PCDH15: variants seen among roughly 807,000 people sequenced by gnomAD.
PCDH15 encodes protocadherin-15.
A neutral mutation model predicts 178.5 loss-of-function variants in PCDH15; 129 were observed. That is an observed-to-expected ratio of 0.72 (90% confidence interval 0.63 to 0.84). The LOEUF (loss-of-function observed/expected upper bound fraction) is 0.84. Among genes scored for constraint, PCDH15 ranks in the 40% least tolerant of loss-of-function variants. The probability of loss-of-function intolerance (pLI) is 0.00; values close to 1 mark genes in which losing one functional copy is unlikely to be tolerated. For missense variants in PCDH15, 2,230 were observed against 2,099.9 expected (o/e 1.06, Z -1.21); for synonymous variants, 800 against 732.0 (o/e 1.09, Z -1.50).
intron 3 of PCDH15, among the ~76,000 whole-genome samples, chr10:54,381,159 G>A (rs1949187627): frequency 6.6e-6 from 1 of 151,956 alleles, no homozygotes; most frequent in Admixed American, 6.6e-5. Context: ...AGGCAGACAT[G>A]ATACAAGGAG....
intron 2 of PCDH15, among the ~76,000 whole-genome samples, chr10:55,152,773 G>A (rs937750966): frequency 6.6e-6 from 1 of 152,106 alleles, no homozygotes; most frequent in Non-Finnish European, 1.5e-5. Flanking sequence ...TAAGACTGCA[G>A]TTAGCAATTG....
At chr10:54,078,138 C>T (rs1176634246) in intron 17 of PCDH15, among the ~76,000 whole-genome samples, 2 of 152,076 alleles carry the variant, frequency 1.3e-5, no homozygotes, top group Non-Finnish European at 1.5e-5. Context: ...TTTCTATCAT[C>T]TAAGTACCTA....
intron 21 of PCDH15, among the ~76,000 whole-genome samples, chr10:53,980,381 A>C (rs531604675): frequency 6.6e-6 from 1 of 152,278 alleles, no homozygotes; most frequent in South Asian, 2.1e-4. Flanking sequence ...TATTTTAAAA[A>C]TGTGTGGGAT....
intron 1 of PCDH15, among the ~76,000 whole-genome samples, chr10:55,232,114 A>C (rs1340332071): frequency 6.6e-6 from 1 of 151,990 alleles, no homozygotes; most frequent in Non-Finnish European, 1.5e-5. Context: ...CCATATTGTA[A>C]CACTGTCAAA....
chr10:54,537,160 A>G (rs1199297604), intron 2 of PCDH15, among the ~76,000 whole-genome samples: 1 of 151,744 alleles, frequency 6.6e-6, no homozygotes, highest in Admixed American at 6.6e-5. Context: ...TACCATGCCC[A>G]GCTAATTTTT....
intron 1 of PCDH15, among the ~76,000 whole-genome samples, chr10:55,274,069 C>T (rs74139512): frequency 0.025 from 3,801 of 152,132 alleles, 181 homozygotes; most frequent in African/African-American, 0.086. Context: ...ACAGAATTTC[C>T]TCTTTTTGTC....
Position 53,878,485 on chromosome 10 carries a change from TAA to T in PCDH15, c.3502-11630_3502-11629del, listed in dbSNP as rs1382498062. Among the ~76,000 whole-genome samples the T allele has an allele frequency of 9.3e-4, 132 of 142,616 alleles. 1 individual carries two copies. The highest frequency in any genetic ancestry group is 5.9e-3 in the Admixed American group (83 of 14,086). 93.6% of individuals were successfully genotyped at this position (142,616 alleles called of 152,430 possible). A position where few individuals can be genotyped will look rare whatever the true frequency, so the allele number is the denominator to read the frequency against. ...TGTATGCCATAGTATAGTATATATA[TAA>T]ATATATAATATATTATATATATACG... On this transcript the variant is annotated intron_variant, in intron 26 of 37. Transcript: ENST00000644397.
At chr10:55,434,060 G>T (rs1838960521) in intron 2 of PCDH15, among the ~76,000 whole-genome samples, 1 of 135,622 alleles carries the variant, frequency 7.4e-6, no homozygotes. Flanking sequence ...CAAATTCTCC[G>T]CTTTTTCTTT....
intron 20 of PCDH15, among the ~76,000 whole-genome samples, chr10:54,003,110 A>G (rs556767856): frequency 1.2e-4 from 18 of 152,216 alleles, no homozygotes; most frequent in Non-Finnish European, 2.5e-4. Flanking sequence ...AATTTTTACT[A>G]CGTGGGAAAT....
At chr10:54,827,976 T>G (rs1170162491) in intron 3 of PCDH15, among the ~76,000 whole-genome samples, 1 of 152,082 alleles carries the variant, frequency 6.6e-6, no homozygotes, top group African/African-American at 2.4e-5. Flanking sequence ...TACATAGATA[T>G]GCAATCTTAT....
intron 3 of PCDH15, among the ~76,000 whole-genome samples, chr10:54,846,440 G>C (rs1953513088): frequency 6.6e-6 from 1 of 152,064 alleles, no homozygotes; most frequent in Non-Finnish European, 1.5e-5. Context: ...AGCTATTCAT[G>C]TGTCTCTTTT....
Position 54,782,839 on chromosome 10 carries a change from A to G in PCDH15, c.-29+18086T>C, listed in dbSNP as rs116853371. ...CAGTCTCTACAAACAACTGTAGTCT[A>G]TGCTACCAAGACACTCACCCATACC... On this transcript the variant is annotated intron_variant, in intron 1 of 37. Transcript: ENST00000644397. Among the ~76,000 whole-genome samples the G allele has an allele frequency of 4.3e-3, 653 of 152,182 alleles. 4 individuals are homozygous for G. The highest frequency in any genetic ancestry group is 7.5e-3 in the Non-Finnish European group (508 of 67,988).
chr10:54,721,361 GAAA>G (rs998959961), intron 1 of PCDH15, among the ~76,000 whole-genome samples: 19 of 151,106 alleles, frequency 1.3e-4, no homozygotes, highest in East Asian at 1.9e-4. Flanking sequence ...TCTAGCAGAA[GAAA>G]AAAAATAACA....
In PCDH15 at chr10:54,291,950, A is replaced by G. The variant is rs1031384201; in HGVS notation, c.876+25321T>C. Among the ~76,000 whole-genome samples, 4 of 152,210 alleles carry G rather than the reference A, an allele frequency of 2.6e-5. No individual in the cohort carries two copies. In the East Asian group the frequency reaches 5.8e-4, roughly 22 times the overall value. On this transcript the variant is annotated intron_variant, in intron 8 of 37. Transcript: ENST00000644397. ...TATTCCAATTAATAGAAAAAGAGGG[A>G]ATCCTCCCTAACTCATTTTACGAGG...
intron 8 of PCDH15, among the ~76,000 whole-genome samples, chr10:54,313,895 ACT>A (rs1348230453): frequency 6.6e-6 from 1 of 151,914 alleles, no homozygotes; most frequent in Non-Finnish European, 1.5e-5. Context: ...AAGTTTGTAC[ACT>A]CTGCTTTTCA....
At chr10:54,708,793 TGTGTGTGTGC>T (rs1200405811) in intron 1 of PCDH15, among the ~76,000 whole-genome samples, 2 of 147,702 alleles carry the variant, frequency 1.4e-5, no homozygotes, top group Admixed American at 6.8e-5. Context: ...TGTGTGTGTG[TGTGTGTGTGC>T]GCGCGCGTGC....
chr10:54,857,248 A>T (rs1223420130), intron 3 of PCDH15, among the ~76,000 whole-genome samples: 1 of 152,192 alleles, frequency 6.6e-6, no homozygotes, highest in Admixed American at 6.5e-5. Context: ...ATCATATACT[A>T]TTGACATTAA....
chr10:54,752,476 CAAAAAAA>C lies in PCDH15; in HGVS notation c.-29+48442_-29+48448del, dbSNP rs755874514. On this transcript the variant is annotated intron_variant, in intron 1 of 37. Coordinates refer to ENST00000644397, the MANE Select transcript of PCDH15 (RefSeq NM_001384140.1). The stretch of plus-strand genomic sequence containing the variant: ...TGGGTGACAGAACGAGACTCCGTCT[CAAAAAAA>C]AAAAAAAACAAAAAACAAAAAACAA... Among the ~76,000 whole-genome samples, 316 of 89,778 alleles carry C rather than the reference CAAAAAAA, an allele frequency of 3.5e-3. 24 individuals are homozygous for C. The highest frequency in any genetic ancestry group is 0.016 in the South Asian group (47 of 3,022). 58.9% of individuals were successfully genotyped at this position (89,778 alleles called of 152,430 possible). A position where few individuals can be genotyped will look rare whatever the true frequency, so the allele number is the denominator to read the frequency against.
chr10:53,808,914 A>G lies in PCDH15; in HGVS notation c.4671+1642T>C, dbSNP rs182175548. ...CCTCTTCAGGGATATCTTGAGCTTC[A>G]GGGTCTGTACTTTCTTCCACAGGGG... On this transcript the variant is annotated intron_variant, in intron 37 of 37. Transcript: ENST00000644397. The G allele has an allele frequency of 8.1e-5, 128 of 1,575,142 alleles. No individual in the cohort carries two copies. In the Admixed American group the frequency reaches 9.5e-4, roughly 12 times the overall value.
Sources: gnomAD v4.1 joint callset for allele counts (sites outside exome capture counted in the v4.1 genomes callset) on GRCh38, gnomAD v4.1.1 for gene constraint, MANE v1.5 for transcripts, NCBI Gene and HGNC (gene_info 2026-07-23, HGNC 2026-07-21) for gene names.